Variants in SPRR2G observed in about 807,000 individuals in gnomAD.
The protein encoded by SPRR2G is small proline-rich protein 2G.
SPRR2G carries 1 observed loss-of-function variant against 0.7 expected under a neutral mutation model. The observed-to-expected ratio is 1.49, with a 90% CI of 0.53 to 7.06. SPRR2G has a LOEUF of 7.06. Ranked by LOEUF, SPRR2G falls within the 30% of genes most tolerant of loss-of-function variation. The probability of loss-of-function intolerance (pLI) is 0.14; values close to 1 mark genes in which losing one functional copy is unlikely to be tolerated. For missense variants in SPRR2G, 96 were observed against 88.5 expected (o/e 1.09, Z -0.34); for synonymous variants, 38 against 33.9 (o/e 1.12, Z -0.42).
the SPRR2G span, among the ~76,000 whole-genome samples, chr1:153,171,250 C>T: frequency 2.0e-5 from 3 of 152,094 alleles, no homozygotes; most frequent in East Asian, 1.9e-4. Flanking sequence ...TTTTCCCGGC[C>T]GTCCTGGGAC....
chr1:153,183,630 G>T, the SPRR2G span, among the ~76,000 whole-genome samples: 2 of 152,090 alleles, frequency 1.3e-5, no homozygotes, highest in Non-Finnish European at 2.9e-5. Context: ...ACCTTTGTCA[G>T]ATGGATAGAT....
At chr1:153,200,222 C>T in the SPRR2G span, among the ~76,000 whole-genome samples, 3 of 152,090 alleles carry the variant, frequency 2.0e-5, no homozygotes, top group South Asian at 6.2e-4. Context: ...AATATCTAAT[C>T]TTACTGTGAA....
chr1:153,169,721 A>G, the SPRR2G span, among the ~76,000 whole-genome samples: 803 of 152,310 alleles, frequency 5.3e-3, 10 homozygotes, highest in Middle Eastern at 0.02. Flanking sequence ...TGAACAACCC[A>G]GGGCATGAAG....
chr1:153,199,103 T>C, the SPRR2G span, among the ~76,000 whole-genome samples: 2 of 152,292 alleles, frequency 1.3e-5, no homozygotes, highest in Admixed American at 6.5e-5. Context: ...TCCCCCTTTA[T>C]ATAATGAATG....
At chr1:153,168,332 C>G in the SPRR2G span, among the ~76,000 whole-genome samples, 1 of 152,216 alleles carries the variant, frequency 6.6e-6, no homozygotes, top group Non-Finnish European at 1.5e-5. Context: ...AGAACTTTCA[C>G]TGAATCTTAC....
the SPRR2G span, among the ~76,000 whole-genome samples, chr1:153,171,544 A>T: frequency 6.6e-6 from 1 of 152,132 alleles, no homozygotes; most frequent in Non-Finnish European, 1.5e-5. Context: ...TCCTCCACCC[A>T]GCCTACCACC....
At chr1:153,182,298 C>A in the SPRR2G span, among the ~76,000 whole-genome samples, 1 of 151,504 alleles carries the variant, frequency 6.6e-6, no homozygotes, top group East Asian at 1.9e-4. Flanking sequence ...TTCCTGCATA[C>A]CCAAAATATA....
At chr1:153,167,065 C>A in the SPRR2G span, among the ~76,000 whole-genome samples, 1 of 152,198 alleles carries the variant, frequency 6.6e-6, no homozygotes, top group Admixed American at 6.5e-5. Context: ...TCCACCACCA[C>A]CATCACAGAA....
chr1:153,198,001 G>A, the SPRR2G span, among the ~76,000 whole-genome samples: 2 of 152,118 alleles, frequency 1.3e-5, no homozygotes, highest in Non-Finnish European at 2.9e-5. Flanking sequence ...TCATGTGAGA[G>A]AGTAGATCAG....
chr1:153,202,412 C>T, the SPRR2G span, among the ~76,000 whole-genome samples: 1 of 152,204 alleles, frequency 6.6e-6, no homozygotes, highest in Non-Finnish European at 1.5e-5. Flanking sequence ...AAGCTAAACT[C>T]TTGTCTCTTT....
chr1:153,183,004 G>C, the SPRR2G span, among the ~76,000 whole-genome samples: 3 of 151,612 alleles, frequency 2.0e-5, no homozygotes, highest in Admixed American at 1.3e-4. Context: ...CCCACCAACA[G>C]TGTAAAAGTG....
At chr1:153,177,564 G>T in the SPRR2G span, among the ~76,000 whole-genome samples, 1 of 151,976 alleles carries the variant, frequency 6.6e-6, no homozygotes, top group African/African-American at 2.4e-5. Context: ...GATATCTTAT[G>T]GGGCTTTTTA....
At chr1:153,165,091 G>A in the SPRR2G span, among the ~76,000 whole-genome samples, 1 of 152,152 alleles carries the variant, frequency 6.6e-6, no homozygotes, top group Non-Finnish European at 1.5e-5. Flanking sequence ...TACCTGGCAG[G>A]AGCTGAAAAT....
the SPRR2G span, among the ~76,000 whole-genome samples, chr1:153,197,263 T>C: frequency 6.6e-6 from 1 of 151,688 alleles, no homozygotes; most frequent in Non-Finnish European, 1.5e-5. Context: ...GAAGCTTGAG[T>C]CCATCTCTGC....
upstream of SPRR2G, among the ~76,000 whole-genome samples, chr1:153,152,456 GT>G (rs200483415): frequency 0.018 from 2,767 of 152,224 alleles, 89 homozygotes; most frequent in African/African-American, 0.064. Flanking sequence ...ACTTGATTGG[GT>G]TGGTACAGTA....
the SPRR2G span, among the ~76,000 whole-genome samples, chr1:153,186,095 C>T: frequency 6.6e-6 from 1 of 152,138 alleles, no homozygotes; most frequent in African/African-American, 2.4e-5. Context: ...GTTATAATTT[C>T]CATTCTTTTG....
At chr1:153,194,806 A>T in the SPRR2G span, among the ~76,000 whole-genome samples, 1 of 152,200 alleles carries the variant, frequency 6.6e-6, no homozygotes, top group Non-Finnish European at 1.5e-5. Context: ...GCAGCCCCAG[A>T]GATACTCCCC....
the SPRR2G span, among the ~76,000 whole-genome samples, chr1:153,199,655 C>G: frequency 6.6e-6 from 1 of 152,010 alleles, no homozygotes; most frequent in African/African-American, 2.4e-5. Flanking sequence ...TGCAGTAGTA[C>G]CAAGTAGGAA....
At chr1:153,202,407 A>G in the SPRR2G span, among the ~76,000 whole-genome samples, 3,801 of 152,290 alleles carry the variant, frequency 0.025, 143 homozygotes, top group African/African-American at 0.084. Context: ...GATTCAAGCT[A>G]AACTCTTGTC....
Sources: allele counts gnomAD v4.1 joint callset (sites outside exome capture counted in the v4.1 genomes callset), GRCh38; gene constraint gnomAD v4.1.1; transcripts MANE v1.5; gene names NCBI Gene and HGNC (gene_info 2026-07-23, HGNC 2026-07-21).